ATRN: variants seen among roughly 807,000 people sequenced by gnomAD.
The protein encoded by ATRN is attractin.
ATRN carries 54 observed loss-of-function variants against 178.7 expected under a neutral mutation model. The ratio of observed to expected loss-of-function variants is 0.30; its 90% CI spans 0.24 to 0.38. The LOEUF (loss-of-function observed/expected upper bound fraction) is 0.38, where lower values mean the gene tolerates loss of function less well. Ranked by LOEUF, ATRN falls within the 10% of genes least tolerant of loss-of-function variation. The pLI, the probability that ATRN is intolerant of heterozygous loss-of-function variation, is 1.00. For missense variants in ATRN, 1,443 were observed against 1,815.1 expected, an observed-to-expected ratio of 0.79 and a Z score of 3.73; for synonymous variants, 636 against 663.0, an observed-to-expected ratio of 0.96 and a Z score of 0.63.
rs117452972 is a variant in ATRN, at chr20:3,473,554, C to T, written c.410+2037C>T. ...AAGAGCTGTGAAATGGCGTAGTTCA[C>T]GCCTATTTTCATGACATTATAGGCT... On this transcript the variant is annotated intron_variant, in intron 1 of 28. Coordinates refer to ENST00000262919, the MANE Select transcript of ATRN (RefSeq NM_139321.3). Among the ~76,000 whole-genome samples the T allele has an allele frequency of 3.5e-3, 539 of 152,318 alleles. 3 individuals are homozygous for T. The highest frequency in any genetic ancestry group is 0.024 in the Middle Eastern group (7 of 294).
chr20:3,567,258 G>C (rs901611159), intron 11 of ATRN, among the ~76,000 whole-genome samples: 1 of 152,128 alleles, frequency 6.6e-6, no homozygotes, highest in Non-Finnish European at 1.5e-5. Flanking sequence ...TGGGAGCCTG[G>C]CCTCAACTGT....
At chr20:3,553,162 T>G (rs1365360834) in intron 6 of ATRN, among the ~76,000 whole-genome samples, 1 of 152,104 alleles carries the variant, frequency 6.6e-6, no homozygotes, top group Non-Finnish European at 1.5e-5. Context: ...GCTGCCACCA[T>G]GAGAAGAGAA....
chr20:3,497,107 C>T (rs2084890840), intron 1 of ATRN, among the ~76,000 whole-genome samples: 1 of 150,044 alleles, frequency 6.7e-6, no homozygotes, highest in South Asian at 2.2e-4. Context: ...GGTCTTGACT[C>T]TTTATCCAAT....
rs2087103925 is a variant in ATRN at position 3,645,867 on chromosome 20, A to G, written c.4166-856A>G. The stretch of plus-strand genomic sequence containing the variant: ...CCTGCGCTGGCCATTTCCCACGTAT[A>G]TTAGGAATCCAGCTCCCCCAGAACC... On this transcript the variant is annotated intron_variant, in intron 28 of 28. Transcript: ENST00000262919. The surrounding 1 kb of genome is among the most constrained non-coding windows in gnomAD (Gnocchi z 4.7). Among the ~76,000 whole-genome samples, 1 of 151,890 alleles carries G rather than the reference A, an allele frequency of 6.6e-6. No individual in the cohort carries two copies. The highest frequency in any genetic ancestry group is 6.6e-5 in the Admixed American group (1 of 15,248).
At chr20:3,537,687 G>T (rs1432043802) in intron 2 of ATRN, among the ~76,000 whole-genome samples, 2 of 148,246 alleles carry the variant, frequency 1.3e-5, no homozygotes, top group African/African-American at 2.5e-5. Context: ...ACAAACCCCG[G>T]TGTGTGATGT....
intron 14 of ATRN, 34 bp from the exon 15 acceptor site, chr20:3,578,548 A>T (rs1568741834): frequency 1.9e-6 from 3 of 1,553,678 alleles, no homozygotes; most frequent in Non-Finnish European, 1.7e-6. Flanking sequence ...TGATTTCTAA[A>T]ATTCTTTTCT....
intron 11 of ATRN, 113 bp downstream of exon 11, chr20:3,565,545 A>C (rs1027225173): frequency 2.0e-5 from 16 of 819,086 alleles, no homozygotes; most frequent in Non-Finnish European, 2.0e-6. Flanking sequence ...AGGCGGGTGG[A>C]ATACGAGGTC....
intron 25 of ATRN, among the ~76,000 whole-genome samples, chr20:3,633,035 G>A (rs2087000645): frequency 6.6e-6 from 1 of 152,152 alleles, no homozygotes. Flanking sequence ...GAGGCTAAAA[G>A]AGGAGAATAG....
At chr20:3,528,225 G>T (rs937330258) in intron 1 of ATRN, among the ~76,000 whole-genome samples, 1 of 151,868 alleles carries the variant, frequency 6.6e-6, no homozygotes, top group African/African-American at 2.4e-5. Context: ...AAAATTAGCC[G>T]GGCATGGTGG....
chr20:3,576,299 C>T (rs527479801), intron 13 of ATRN, among the ~76,000 whole-genome samples: 5 of 152,132 alleles, frequency 3.3e-5, no homozygotes, highest in Admixed American at 6.5e-5. Context: ...AGGTGTACAG[C>T]GGCCCATATT....
At chr20:3,635,363 T>TAATAAATAAATA (rs71331055) in intron 26 of ATRN, among the ~76,000 whole-genome samples, 15,462 of 149,146 alleles carry the variant, frequency 0.1, 1,009 homozygotes, top group Non-Finnish European at 0.15. Flanking sequence ...CCTATTGAAA[T>TAATAAATAAATA]AATAAATAAA....
intron 24 of ATRN, among the ~76,000 whole-genome samples, chr20:3,612,501 G>GA (rs2086780352): frequency 6.6e-6 from 1 of 152,088 alleles, no homozygotes; most frequent in South Asian, 2.1e-4. Context: ...AAATCTTGGG[G>GA]GCATTCTTAG....
intron 24 of ATRN, among the ~76,000 whole-genome samples, chr20:3,610,888 G>A (rs1428033440): frequency 1.3e-5 from 2 of 151,344 alleles, no homozygotes; most frequent in African/African-American, 4.9e-5. Context: ...GAGCCGTTGC[G>A]CCCAGCCCCC....
At chr20:3,611,069 T>G (rs1019096881) in intron 24 of ATRN, among the ~76,000 whole-genome samples, 4 of 152,112 alleles carry the variant, frequency 2.6e-5, no homozygotes, top group Non-Finnish European at 4.4e-5. Context: ...ATGTAAAACA[T>G]AAAACTATAA....
intron 9 of ATRN, 97 bp downstream of exon 9, chr20:3,562,556 C>A: frequency 8.0e-7 from 1 of 1,245,692 alleles, no homozygotes; most frequent in Non-Finnish European, 1.1e-6. Flanking sequence ...TCATGCCTGG[C>A]AGATAATTCT....
At position 3,471,033 on chromosome 20, in the gene ATRN, ACGGCCAGGCGAAG is replaced by A; in HGVS notation, c.-71_-59del. 2 of 1,383,330 alleles carry A rather than the reference ACGGCCAGGCGAAG, an allele frequency of 1.4e-6. No individual in the cohort carries two copies. The highest frequency in any genetic ancestry group is 5.9e-5 in the Admixed American group (2 of 33,860). The allele number at this position is 1,383,330 out of a possible 1,614,324, so 85.7% of individuals were successfully genotyped here. On this transcript the variant is annotated 5_prime_UTR_variant, in exon 1 of 29. Transcript: ENST00000262919. ...CACCGTCCGCACAGCCCCGCCCCGCACGGCCAGGCGAAGCGGAGCCGGCCGTGCGGTGTGTGTG... is the reference window on the plus strand; with the variant it reads ...CACCGTCCGCACAGCCCCGCCCCGCACGGAGCCGGCCGTGCGGTGTGTGTG...
At chr20:3,501,535 A>G (rs1021051323) in intron 1 of ATRN, among the ~76,000 whole-genome samples, 6 of 152,302 alleles carry the variant, frequency 3.9e-5, no homozygotes, top group Admixed American at 6.5e-5. Context: ...TTTCATTTCT[A>G]TCAGTGGTAG....
chr20:3,635,363 T>TAATAATTAAATA (rs1701511761), intron 26 of ATRN, among the ~76,000 whole-genome samples: 2 of 149,158 alleles, frequency 1.3e-5, no homozygotes, highest in Admixed American at 1.3e-4. Context: ...CCTATTGAAA[T>TAATAATTAAATA]AATAAATAAA....
intron 18 of ATRN, among the ~76,000 whole-genome samples, chr20:3,588,976 C>CT (rs1375444238): frequency 5.2e-5 from 3 of 57,652 alleles, no homozygotes; most frequent in African/African-American, 1.7e-4. Context: ...GTAGTATTTT[C>CT]TTTTGTTTTT....
Sources: allele counts gnomAD v4.1 joint callset (sites outside exome capture counted in the v4.1 genomes callset), GRCh38; gene constraint gnomAD v4.1.1; non-coding constraint Gnocchi (gnomAD v3.1); transcripts MANE v1.5; gene names NCBI Gene and HGNC (gene_info 2026-07-23, HGNC 2026-07-21).